FIGNL2: variants seen among roughly 807,000 people sequenced by gnomAD.
FIGNL2 encodes the protein fidgetin like 2.
For synonymous variants in FIGNL2, 565 were observed against 484.0 expected (o/e 1.17, Z -2.20); for missense variants, 1,060 against 950.2 (o/e 1.12, Z -1.52).
intron 1 of FIGNL2, among the ~76,000 whole-genome samples, chr12:51,832,320 A>G (rs1440026533): frequency 6.6e-6 from 1 of 151,968 alleles, no homozygotes; most frequent in Non-Finnish European, 1.5e-5. Context: ...CCCGGCCCCA[A>G]AATAATTTCT....
intron 1 of FIGNL2, among the ~76,000 whole-genome samples, chr12:51,843,155 A>G (rs1443506053): frequency 6.6e-6 from 1 of 152,234 alleles, no homozygotes; most frequent in Non-Finnish European, 1.5e-5. Context: ...AGGAAGGCCA[A>G]TCCTGGCTGG....
rs1187759682 is a variant in FIGNL2 at position 51,821,137 on chromosome 12, C to T, written c.1277G>A (p.Arg426Gln). 2.1e-6 allele frequency: 3 copies of T among 1,459,186 alleles called. No individual in the cohort carries two copies. Among genetic ancestry groups the T allele is most frequent in the Non-Finnish European group, 2.7e-6 (3 of 1,118,500 alleles). 90.4% of individuals were successfully genotyped at this position (1,459,186 alleles called of 1,614,324 possible). Residue 426 changes from arginine to glutamine, a missense_variant, in exon 2 of 2, where the codon CGG (arginine) becomes CAG (glutamine). By Grantham distance (43) the Arg-to-Gln change is conservative (BLOSUM62 1). Transcript: ENST00000618634. ...PAYPGSLRPP[R>Q]TVLLFGPRGA... ...CCGCGGCCCAAAGAGCAGGACGGTC[C>T]GCGGCGGGCGCAGGCTGCCCGGGTA...
chr12:51,848,402 C>G (rs1016114744), intron 1 of FIGNL2, 138 bp downstream of exon 1: 2 of 984,272 alleles, frequency 2.0e-6, no homozygotes, highest in Admixed American at 1.2e-4. Context: ...CTCCGACCCC[C>G]GCCGAGCTGA....
At chr12:51,848,323 C>G in intron 1 of FIGNL2, 1 of 983,122 alleles carries the variant, frequency 1.0e-6, no homozygotes, top group Non-Finnish European at 1.2e-6. Context: ...CCTGCTCTGC[C>G]CGCCCCCTCC....
chr12:51,848,060 C>A, intron 1 of FIGNL2: 1 of 887,584 alleles, frequency 1.1e-6, no homozygotes, highest in Non-Finnish European at 1.3e-6. Context: ...ATCTCCGGGC[C>A]AGTAACCCAG....
At chr12:51,834,113 A>T (rs1366320721) in intron 1 of FIGNL2, among the ~76,000 whole-genome samples, 1 of 146,422 alleles carries the variant, frequency 6.8e-6, no homozygotes, top group African/African-American at 2.8e-5. Context: ...GGATGGTTGG[A>T]TGGATGGATG....
At position 51,821,085 on chromosome 12, in the gene FIGNL2, G is replaced by A; in HGVS notation, c.1329C>T (p.Arg443=). The A allele has an allele frequency of 2.3e-6, 3 of 1,302,046 alleles. No individual in the cohort carries two copies. Among genetic ancestry groups the A allele is most frequent in the Non-Finnish European group, 1.9e-6 (2 of 1,030,706 alleles). 80.7% of individuals were successfully genotyped at this position (1,302,046 alleles called of 1,614,324 possible). A position where few individuals can be genotyped will look rare whatever the true frequency, so the allele number is the denominator to read the frequency against. Residue 443 remains arginine, a synonymous_variant, in exon 2 of 2, where the codon CGC becomes CGT. Transcript: ENST00000618634. The stretch of plus-strand genomic sequence containing the variant: ...TGGCGCCCAGCTGCGTGGCGAGGCA[G>A]CGGCCCAGCAGCGCTTTGCCCGCGC... ...PRGAGKALLG[R]CLATQLGATL...
Position 51,848,601 on chromosome 12 carries a change from G to A in FIGNL2, c.-73C>T. The A allele has an allele frequency of 6.4e-6, 6 of 938,030 alleles. No individual in the cohort carries two copies. Among genetic ancestry groups the A allele is most frequent in the Non-Finnish European group, 5.1e-6 (4 of 787,070 alleles). 58.1% of individuals were successfully genotyped at this position (938,030 alleles called of 1,614,324 possible). A position where few individuals can be genotyped will look rare whatever the true frequency, so the allele number is the denominator to read the frequency against. On this transcript the variant is annotated 5_prime_UTR_variant, in exon 1 of 2. Transcript: ENST00000618634. ...GGCCTGGGGGCGCGTCCGGCCCGGG[G>A]ACCGGGGCGGCGGCGCGGGCCGGGG... is the stretch of plus-strand genomic sequence containing the variant.
intron 1 of FIGNL2, among the ~76,000 whole-genome samples, chr12:51,833,986 C>CGGATGGATGGATGGATGGAT (rs1179232670): frequency 2.8e-5 from 2 of 72,054 alleles, no homozygotes; most frequent in African/African-American, 3.7e-5. Flanking sequence ...GACAAATGGA[C>CGGATGGATGGATGGATGGAT]GGATGGATGG....
intron 1 of FIGNL2, among the ~76,000 whole-genome samples, chr12:51,833,207 C>A (rs1399750175): frequency 3.3e-5 from 5 of 152,062 alleles, no homozygotes; most frequent in East Asian, 1.9e-4. Flanking sequence ...TGGGCCACCA[C>A]ACCCAGCTAA....
At position 51,821,770 on chromosome 12, in the gene FIGNL2, C is replaced by G. The variant is rs915975732; in HGVS notation, c.644G>C (p.Gly215Ala). ...TGGGGGCGGCGGGAGCGCGCCATAGCCGGGCTGCGCTGCGTAGCCCCCTGC... is the reference window on the plus strand; with the variant it reads ...TGGGGGCGGCGGGAGCGCGCCATAGGCGGGCTGCGCTGCGTAGCCCCCTGC... Reference protein sequence around the residue: ...YPAGGYAAQPGYGALPPPPGP... With the variant: ...YPAGGYAAQPAYGALPPPPGP... Residue 215 changes from glycine to alanine, a missense_variant, in exon 2 of 2, where the codon GGC becomes GCC. By Grantham distance (60) the Gly-to-Ala change is moderately conservative (BLOSUM62 0). Transcript: ENST00000618634. The G allele has an allele frequency of 1.6e-6, 2 of 1,279,346 alleles. No individual in the cohort carries two copies. Among genetic ancestry groups the G allele is most frequent in the East Asian group, 3.3e-5 (1 of 30,628 alleles). 79.2% of individuals were successfully genotyped at this position (1,279,346 alleles called of 1,614,324 possible). A position where few individuals can be genotyped will look rare whatever the true frequency, so the allele number is the denominator to read the frequency against.
rs965343878 is a variant in FIGNL2, at chr12:51,820,293, C to T, written c.*159G>A. 1.0e-6 allele frequency: 1 copy of T among 983,100 alleles called. No individual in the cohort carries two copies. The highest frequency in any genetic ancestry group is 2.9e-5 in the East Asian group (1 of 34,676). The allele number at this position is 983,100 out of a possible 1,614,324, so 60.9% of individuals were successfully genotyped here. A position where few individuals can be genotyped will look rare whatever the true frequency, so the allele number is the denominator to read the frequency against. Reference sequence around the variant, plus strand: ...CTGCCTGGCAGAAGCATTTTCCTTCCCACGAAAAAAAAAATATCCACCGGC... The same window carrying T: ...CTGCCTGGCAGAAGCATTTTCCTTCTCACGAAAAAAAAAATATCCACCGGC... On this transcript the variant is annotated 3_prime_UTR_variant, in exon 2 of 2. Coordinates refer to ENST00000618634, the MANE Select transcript of FIGNL2 (RefSeq NM_001384995.1).
chr12:51,838,946 C>G (rs1465554438), intron 1 of FIGNL2, among the ~76,000 whole-genome samples: 1 of 152,174 alleles, frequency 6.6e-6, no homozygotes, highest in African/African-American at 2.4e-5. Flanking sequence ...CAGTCCCAAA[C>G]CACAGCTTCC....
intron 1 of FIGNL2, among the ~76,000 whole-genome samples, chr12:51,829,759 G>A (rs1230760228): frequency 6.6e-6 from 1 of 151,476 alleles, no homozygotes; most frequent in Non-Finnish European, 1.5e-5. Flanking sequence ...TCAGAAAGGA[G>A]GGAGGGAGGG....
intron 1 of FIGNL2, among the ~76,000 whole-genome samples, chr12:51,842,305 T>G (rs1308291620): frequency 6.6e-6 from 1 of 152,152 alleles, no homozygotes; most frequent in African/African-American, 2.4e-5. Context: ...AGCCCCTTCC[T>G]AGAGGAGTGA....
intron 1 of FIGNL2, among the ~76,000 whole-genome samples, chr12:51,834,948 G>A (rs565348167): frequency 6.6e-6 from 1 of 152,318 alleles, no homozygotes; most frequent in African/African-American, 2.4e-5. Flanking sequence ...CTCAAGTGTG[G>A]AAAGAGATTC....
intron 1 of FIGNL2, among the ~76,000 whole-genome samples, chr12:51,827,354 T>C (rs1939365957): frequency 6.6e-6 from 1 of 152,042 alleles, no homozygotes; most frequent in Non-Finnish European, 1.5e-5. Context: ...GCAGGTTGCC[T>C]GACCTCAGTG....
At chr12:51,831,083 G>A (rs1276430992) in intron 1 of FIGNL2, among the ~76,000 whole-genome samples, 3 of 152,074 alleles carry the variant, frequency 2.0e-5, no homozygotes, top group Non-Finnish European at 4.4e-5. Context: ...GATTACAGGC[G>A]TGAGCACAAA....
chr12:51,827,576 G>A (rs549883941), intron 1 of FIGNL2, among the ~76,000 whole-genome samples: 2 of 152,288 alleles, frequency 1.3e-5, no homozygotes, highest in African/African-American at 4.8e-5. Flanking sequence ...GAGTGGCAGT[G>A]AGGATTTAAA....
Sources: gnomAD v4.1 joint callset for allele counts (sites outside exome capture counted in the v4.1 genomes callset) on GRCh38, gnomAD v4.1.1 for gene constraint, MANE v1.5 for transcripts, NCBI Gene and HGNC (gene_info 2026-07-23, HGNC 2026-07-21) for gene names.